Variants in WDR4 observed in about 807,000 individuals in gnomAD.
WDR4 encodes the protein WDR4 tRNA N7-guanosine methyltransferase non-catalytic subunit.
WDR4 carries 47 observed loss-of-function variants against 48.6 expected under a neutral mutation model. The observed-to-expected ratio is 0.97, with a 90% confidence interval of 0.77 to 1.23. WDR4 has a LOEUF of 1.23. WDR4 is among the 50% of genes most tolerant of loss of function. The pLI is 0.00. For missense variants in WDR4, 606 were observed against 551.6 expected (o/e 1.10, Z -0.99); for synonymous variants, 268 against 230.0 (o/e 1.17, Z -1.49).
In WDR4 at chr21:42,879,280, T is replaced by TGG. The variant is rs1262144318; in HGVS notation, c.89+125_89+126dup. 5 of 1,408,496 alleles carry TGG rather than the reference T, an allele frequency of 3.5e-6. No individual in the cohort carries two copies. In the East Asian group the frequency reaches 1.4e-4, roughly 39 times the overall value. The allele number at this position is 1,408,496 out of a possible 1,614,324, so 87.2% of individuals were successfully genotyped here. A position where few individuals can be genotyped will look rare whatever the true frequency, so the allele number is the denominator to read the frequency against. On this transcript the variant is annotated intron_variant, in intron 1 of 10. Transcript: ENST00000398208. ...AGACTGCGGCGGAGGACTCGTGGGC[T>TGG]GGAGCGGAGTTCCCCGGGGTCACCC...
At position 42,855,777 on chromosome 21, in the gene WDR4, C is replaced by A. The variant is rs373199747; in HGVS notation, c.631G>T (p.Gly211Cys). 1.9e-6 allele frequency: 3 copies of A among 1,548,774 alleles called. No individual in the cohort carries two copies. Among genetic ancestry groups the A allele is most frequent in the Non-Finnish European group, 2.6e-6 (3 of 1,145,140 alleles). The change falls in exon 7 of 11, where the codon GGC becomes TGC. Residue 211 changes from glycine (G) to cysteine (C), a missense_variant. Coordinates refer to ENST00000398208, the MANE Select transcript of WDR4 (RefSeq NM_018669.6). ...PGLLLSSSGD[G>C]TLRLWEYRSG... ...CTGTACTCCCAGAGCCTCAGGGTGC[C>A]GTCCTGCACAAACCAAACACACAGG...
downstream of WDR4, among the ~76,000 whole-genome samples, chr21:42,847,137 A>T (rs960482695): frequency 2.0e-5 from 3 of 152,226 alleles, no homozygotes; most frequent in Non-Finnish European, 4.4e-5. Context: ...ATAGAAACTA[A>T]AAAAATAACG....
chr21:42,846,738 T>C (rs1017326462), downstream of WDR4, among the ~76,000 whole-genome samples: 5 of 151,826 alleles, frequency 3.3e-5, no homozygotes, highest in African/African-American at 7.3e-5. Flanking sequence ...TTAAATACAA[T>C]AGATTGGGTG....
At chr21:42,879,336 A>G in intron 1 of WDR4, 71 bp downstream of exon 1, 1 of 1,575,952 alleles carries the variant, frequency 6.3e-7, no homozygotes, top group Non-Finnish European at 8.6e-7. Context: ...GGTGCGGGAG[A>G]AGCGGGGTCG....
chr21:42,867,965 C>T lies in WDR4; in HGVS notation c.297-4369G>A, dbSNP rs2058285551. On this transcript the variant is annotated intron_variant, in intron 3 of 10. Transcript: ENST00000398208. ...AAGACATCTCCCTCTTGGCAAAGCA[C>T]CTACAACCAAGGATGAAGAGGCCCC... Among the ~76,000 whole-genome samples, 3 of 152,274 alleles carry T rather than the reference C, an allele frequency of 2.0e-5. No individual in the cohort carries two copies. In the South Asian group the frequency reaches 6.2e-4, roughly 32 times the overall value.
chr21:42,859,551 C>T (rs2058067521), intron 6 of WDR4, 111 bp downstream of exon 6: 13 of 624,788 alleles, frequency 2.1e-5, no homozygotes, highest in Non-Finnish European at 3.0e-5. Flanking sequence ...TGGACAGCCA[C>T]AGCCAGCCAG....
At chr21:42,848,975 A>G (rs1459162725), downstream of WDR4, among the ~76,000 whole-genome samples, 2 of 122,234 alleles carry the variant, frequency 1.6e-5, no homozygotes, top group South Asian at 3.1e-4. Context: ...CACTCACAGC[A>G]CACGATCACG....
At chr21:42,892,110 C>T in the WDR4 span, among the ~76,000 whole-genome samples, 717 of 151,758 alleles carry the variant, frequency 4.7e-3, 3 homozygotes, top group Middle Eastern at 0.017. Context: ...AAAATTTAGC[C>T]GGGCGTGGTG....
At chr21:42,889,501 GCCCACTC>G in the WDR4 span, among the ~76,000 whole-genome samples, 1 of 152,086 alleles carries the variant, frequency 6.6e-6, no homozygotes, top group Non-Finnish European at 1.5e-5. Context: ...GCGATTTCCA[GCCCACTC>G]CCAAGTGTTC....
intron 3 of WDR4, among the ~76,000 whole-genome samples, chr21:42,872,347 T>C (rs1198195196): frequency 1.3e-5 from 2 of 152,082 alleles, no homozygotes; most frequent in African/African-American, 2.4e-5. Flanking sequence ...CGGTGGGTCA[T>C]GCCTGTAATC....
At chr21:42,859,550 A>T in intron 6 of WDR4, 112 bp downstream of exon 6, 4 of 1,315,530 alleles carry the variant, frequency 3.0e-6, no homozygotes, top group Non-Finnish European at 4.2e-6. Context: ...GTGGACAGCC[A>T]CAGCCAGCCA....
rs374335987 is a variant in WDR4, at chr21:42,858,049, G to A, written c.627+1613C>T. 2.6e-5 allele frequency among the ~76,000 whole-genome samples: 4 copies of A among 152,068 alleles called. 1 individual carries two copies. Among genetic ancestry groups the A allele is most frequent in the South Asian group, 4.2e-4 (2 of 4,814 alleles). On this transcript the variant is annotated intron_variant, in intron 6 of 10. Transcript: ENST00000398208. ...AGAGGCTGCAGTGAACCGAGATCAC[G>A]CCACTGCACTCCAGACTGGGAGACA...
At chr21:42,863,344 G>A in intron 4 of WDR4, 96 bp downstream of exon 4, 4 of 1,440,706 alleles carry the variant, frequency 2.8e-6, no homozygotes, top group Non-Finnish European at 3.8e-6. Flanking sequence ...CCTTGACAGG[G>A]TAGACATTGA....
Position 42,864,739 on chromosome 21 carries a change from T to C in WDR4, c.297-1143A>G, listed in dbSNP as rs2058210511. Among the ~76,000 whole-genome samples, 3 of 152,206 alleles carry C rather than the reference T, an allele frequency of 2.0e-5. No homozygotes were observed. In the South Asian group the frequency reaches 6.2e-4, roughly 31 times the overall value. The stretch of plus-strand genomic sequence containing the variant: ...CCTTCGCCAGGGCTCAGGGCTACAC[T>C]ACTTCCTGGGGCTCTCATTTCCACA... On this transcript the variant is annotated intron_variant, in intron 3 of 10. Coordinates refer to ENST00000398208, the MANE Select transcript of WDR4 (RefSeq NM_018669.6).
At chr21:42,861,957 C>A (rs1446752014) in intron 5 of WDR4, among the ~76,000 whole-genome samples, 1 of 152,190 alleles carries the variant, frequency 6.6e-6, no homozygotes, top group Admixed American at 6.5e-5. Context: ...AACACCCCCA[C>A]CACCCACCAG....
At chr21:42,845,200 T>C (rs1321532706), downstream of WDR4, among the ~76,000 whole-genome samples, 1 of 152,238 alleles carries the variant, frequency 6.6e-6, no homozygotes, top group Non-Finnish European at 1.5e-5. Context: ...CAAAGTATAT[T>C]CTGAGACCAC....
intron 3 of WDR4, among the ~76,000 whole-genome samples, chr21:42,863,805 T>G (rs1186892767): frequency 6.6e-6 from 1 of 151,830 alleles, no homozygotes; most frequent in Non-Finnish European, 1.5e-5. Flanking sequence ...ACAACGTTTT[T>G]CTTTAAGAAA....
intron 10 of WDR4, among the ~76,000 whole-genome samples, chr21:42,851,919 G>A (rs142759679): frequency 2.2e-3 from 337 of 152,320 alleles, no homozygotes; most frequent in African/African-American, 7.9e-3. Flanking sequence ...CATGGACCAG[G>A]CATGAGGCAG....
intron 3 of WDR4, among the ~76,000 whole-genome samples, chr21:42,872,007 G>A (rs558794864): frequency 2.0e-5 from 3 of 151,512 alleles, no homozygotes; most frequent in Non-Finnish European, 2.9e-5. Context: ...TTTTTGAGAC[G>A]GGGTTTTGCT....
Sources: allele counts gnomAD v4.1 joint callset (sites outside exome capture counted in the v4.1 genomes callset), GRCh38; gene constraint gnomAD v4.1.1; transcripts MANE v1.5; gene names NCBI Gene and HGNC (gene_info 2026-07-23, HGNC 2026-07-21).